The following FARS2 variants were observed in gnomAD, a reference collection of about 807,000 sequenced individuals.
The protein encoded by FARS2 is phenylalanine--tRNA ligase, mitochondrial.
In FARS2, 40 loss-of-function variants were observed where a neutral mutation model predicts 46.4. The observed-to-expected ratio is 0.86, with a 90% CI of 0.67 to 1.12. FARS2 has a LOEUF of 1.12. FARS2 is among the 50% of genes most tolerant of loss of function. FARS2 has a pLI of 0.00. For synonymous variants in FARS2, 234 were observed against 214.9 expected, an observed-to-expected ratio of 1.09 and a Z score of -0.78; for missense variants, 513 against 567.9, an observed-to-expected ratio of 0.90 and a Z score of 0.98.
chr6:5,257,105 G>C (rs1764713768), upstream of FARS2, among the ~76,000 whole-genome samples: 1 of 152,066 alleles, frequency 6.6e-6, no homozygotes, highest in Non-Finnish European at 1.5e-5. Context: ...CTACACTGCT[G>C]CCAGAGTGAT....
intron 4 of FARS2, among the ~76,000 whole-genome samples, chr6:5,470,889 G>A (rs1421619080): frequency 1.3e-5 from 2 of 152,174 alleles, no homozygotes; most frequent in Non-Finnish European, 2.9e-5. Flanking sequence ...ATACAAAATT[G>A]AGCACTCTGA....
chr6:5,562,277 G>T (rs946928327), intron 5 of FARS2, among the ~76,000 whole-genome samples: 2 of 151,366 alleles, frequency 1.3e-5, no homozygotes, highest in African/African-American at 4.9e-5. Flanking sequence ...GCATCCTCTT[G>T]TCCCTAGGGT....
chr6:5,316,121 G>A (rs948008894), intron 1 of FARS2, among the ~76,000 whole-genome samples: 8 of 152,188 alleles, frequency 5.3e-5, no homozygotes, highest in South Asian at 2.1e-4. Flanking sequence ...AGAAAGGATC[G>A]TTGTAATCAA....
intron 2 of FARS2, among the ~76,000 whole-genome samples, chr6:5,391,819 C>T (rs1004767946): frequency 5.3e-5 from 8 of 152,118 alleles, no homozygotes; most frequent in African/African-American, 1.4e-4. Context: ...TTGGCTTTTG[C>T]AATCTACTTT....
rs372666052 is a variant in FARS2 at position 5,311,983 on chromosome 6, C to T, written c.-22+50323C>T. ...AACTTTCCGTGCATCGTAGAATCTT[C>T]GGTGTGTTGAAGGGTTTTATGTAAT... On this transcript the variant is annotated intron_variant, in intron 1 of 6. Transcript: ENST00000274680. This position sits in a 1 kb window ranked among gnomAD's most constrained non-coding sequence, Gnocchi z 4.1. Among the ~76,000 whole-genome samples, 61 of 152,216 alleles carry T rather than the reference C, an allele frequency of 4.0e-4. No individual in the cohort carries two copies. In the South Asian group the frequency reaches 9.1e-3, roughly 23 times the overall value.
At chr6:5,516,130 G>A (rs1768775485) in intron 4 of FARS2, among the ~76,000 whole-genome samples, 1 of 152,190 alleles carries the variant, frequency 6.6e-6, no homozygotes, top group Non-Finnish European at 1.5e-5. Context: ...TCCAGACTGT[G>A]GCAGTGCCAG....
intron 6 of FARS2, among the ~76,000 whole-genome samples, chr6:5,687,495 G>A (rs1399055670): frequency 1.3e-5 from 2 of 152,154 alleles, no homozygotes; most frequent in African/African-American, 2.4e-5. Context: ...GTTTGTCAAA[G>A]ATCAGATAGT....
chr6:5,689,958 C>T (rs1272364264), intron 6 of FARS2, among the ~76,000 whole-genome samples: 3 of 152,130 alleles, frequency 2.0e-5, no homozygotes, highest in African/African-American at 7.2e-5. Context: ...ATGTAATGGC[C>T]TTCTTTGTCT....
chr6:5,487,000 C>T (rs568204807), intron 4 of FARS2, among the ~76,000 whole-genome samples: 1 of 152,262 alleles, frequency 6.6e-6, no homozygotes, highest in Admixed American at 6.5e-5. Flanking sequence ...AGAAGGGCAC[C>T]GTCACTGACA....
chr6:5,595,746 T>A (rs1240550389), intron 5 of FARS2, among the ~76,000 whole-genome samples: 1 of 152,112 alleles, frequency 6.6e-6, no homozygotes, highest in African/African-American at 2.4e-5. Context: ...TAAACATGTA[T>A]ATGTTTACGA....
chr6:5,609,885 T>C, intron 5 of FARS2: 1 of 1,013,284 alleles, frequency 9.9e-7, no homozygotes, highest in Non-Finnish European at 1.5e-6. Context: ...CAAATGCCTT[T>C]TTCACAGTTA....
intron 6 of FARS2, among the ~76,000 whole-genome samples, chr6:5,713,395 A>ATG (rs1314028987): frequency 6.6e-6 from 1 of 152,250 alleles, no homozygotes; most frequent in African/African-American, 2.4e-5. Flanking sequence ...ATGCTTAAAA[A>ATG]TGTGTGAATT....
chr6:5,370,555 A>G (rs1245383161), intron 2 of FARS2, among the ~76,000 whole-genome samples: 1 of 152,190 alleles, frequency 6.6e-6, no homozygotes, highest in Non-Finnish European at 1.5e-5. Context: ...TGCCAGTAAT[A>G]TGACGTCCAG....
chr6:5,758,431 C>G (rs1282575302), intron 6 of FARS2, among the ~76,000 whole-genome samples: 2 of 152,250 alleles, frequency 1.3e-5, no homozygotes, highest in South Asian at 4.1e-4. Flanking sequence ...GCCTGAAAAA[C>G]TTATCCGCTC....
intron 2 of FARS2, among the ~76,000 whole-genome samples, chr6:5,387,433 C>T (rs947719883): frequency 6.6e-6 from 1 of 152,190 alleles, no homozygotes; most frequent in African/African-American, 2.4e-5. Flanking sequence ...TAGGGAGCTT[C>T]TTCTCTGTTG....
chr6:5,364,422 T>A (rs2127633423), intron 1 of FARS2, among the ~76,000 whole-genome samples: 1 of 152,342 alleles, frequency 6.6e-6, no homozygotes, highest in African/African-American at 2.4e-5. Flanking sequence ...TTATAGTTGG[T>A]CTGATTGTTT....
intron 2 of FARS2, among the ~76,000 whole-genome samples, chr6:5,383,751 T>A (rs1038991201): frequency 6.9e-6 from 1 of 145,016 alleles, no homozygotes; most frequent in Non-Finnish European, 1.5e-5. Context: ...CCTTTTTAGT[T>A]CTGATCTACT....
At chr6:5,304,646 T>C (rs1461952841) in intron 1 of FARS2, among the ~76,000 whole-genome samples, 1 of 148,266 alleles carries the variant, frequency 6.7e-6, no homozygotes, top group Non-Finnish European at 1.5e-5. Flanking sequence ...TGTTTGTGTT[T>C]GTGTTTGTGT....
chr6:5,718,257 G>T (rs114171968), intron 6 of FARS2, among the ~76,000 whole-genome samples: 3,661 of 152,136 alleles, frequency 0.024, 148 homozygotes, highest in African/African-American at 0.08. Flanking sequence ...TATTAATTAT[G>T]TAATAATTTA....
Sources: gnomAD v4.1 joint callset for allele counts (sites outside exome capture counted in the v4.1 genomes callset) on GRCh38, gnomAD v4.1.1 for gene constraint, Gnocchi (gnomAD v3.1) non-coding constraint, MANE v1.5 for transcripts, NCBI Gene and HGNC (gene_info 2026-07-23, HGNC 2026-07-21) for gene names.